ACSF3: variants seen among roughly 807,000 people sequenced by gnomAD.
The protein encoded by ACSF3 is malonate--CoA ligase ACSF3, mitochondrial.
Under a neutral mutation model 53.2 loss-of-function variants are expected in ACSF3, and 78 were observed. That is an observed-to-expected ratio of 1.47 (90% CI 1.22 to 1.77). The LOEUF is 1.77. Ranked by LOEUF, ACSF3 falls within the 40% of genes most tolerant of loss-of-function variation. The pLI, the probability that ACSF3 is intolerant of heterozygous loss-of-function variation, is 0.00. For missense variants in ACSF3, 937 were observed against 771.1 expected, an observed-to-expected ratio of 1.22 and a Z score of -2.55; for synonymous variants, 414 against 333.1, an observed-to-expected ratio of 1.24 and a Z score of -2.65.
chr16:89,095,726 G>C (rs1365443890), intron 1 of ACSF3, among the ~76,000 whole-genome samples: 1 of 152,236 alleles, frequency 6.6e-6, no homozygotes, highest in Non-Finnish European at 1.5e-5. Context: ...AGGCTCCATG[G>C]GGAGCACCCT....
At chr16:89,103,965 C>A (rs895134107) in intron 4 of ACSF3, among the ~76,000 whole-genome samples, 5 of 152,180 alleles carry the variant, frequency 3.3e-5, no homozygotes, top group African/African-American at 9.7e-5. Flanking sequence ...GGGCTCGAGG[C>A]GGGACCCTGT....
Position 89,103,137 on chromosome 16 carries a change from T to C in ACSF3, c.822+378T>C, listed in dbSNP as rs1295560245. Among the ~76,000 whole-genome samples the C allele has an allele frequency of 3.3e-5, 5 of 152,386 alleles. No individual in the cohort carries two copies. The South Asian group carries it at 8.3e-4, about 25-fold the overall frequency. ...CTCTCTTCAAAATACCTTCCGGTACTGTGCTCGTCTGTTGTGAGACTGCAG... is the reference window on the plus strand; with the variant it reads ...CTCTCTTCAAAATACCTTCCGGTACCGTGCTCGTCTGTTGTGAGACTGCAG... On this transcript the variant is annotated intron_variant, in intron 4 of 10. Coordinates refer to ENST00000614302, the MANE Select transcript of ACSF3 (RefSeq NM_001243279.3).
intron 10 of ACSF3, chr16:89,152,985 C>G (rs539084998): frequency 1.3e-5 from 2 of 152,438 alleles, no homozygotes; most frequent in Admixed American, 6.5e-5. Context: ...AGAGACTGGG[C>G]TGGGCCGACT....
At chr16:89,153,175 C>T (rs1381575850) in intron 10 of ACSF3, 2 of 152,724 alleles carry the variant, frequency 1.3e-5, no homozygotes, top group South Asian at 2.1e-4. Flanking sequence ...CATGAAGGTT[C>T]GTTTCTGTCA....
chr16:89,114,582 G>A lies in ACSF3; in HGVS notation c.1126+95G>A, dbSNP rs957381950. ...GAACCACCCACATTCGGACTGAAGG[G>A]CGGCATGGAGGATGCTCCCCCGTGG... On this transcript the variant is annotated intron_variant, in intron 6 of 10. Transcript: ENST00000614302. The A allele has an allele frequency of 1.2e-5, 19 of 1,566,934 alleles. No homozygotes were observed. The Admixed American group carries it at 3.0e-4, about 25-fold the overall frequency.
At chr16:89,114,601 C>T (rs1256316373) in intron 6 of ACSF3, 114 bp downstream of exon 6, 3 of 1,503,954 alleles carry the variant, frequency 2.0e-6, no homozygotes, top group Non-Finnish European at 2.7e-6. Context: ...AGGATGCTCC[C>T]CCGTGGGACA....
At position 89,154,308 on chromosome 16, in the gene ACSF3, G is replaced by A. The variant is rs761470249; in HGVS notation, c.*101G>A. ...CCAAGACCTGGCCTCCCTTAAACCT[G>A]AACCCCCCAAATCAGGTCACGTAGA... On this transcript the variant is annotated 3_prime_UTR_variant, in exon 11 of 11. Coordinates refer to ENST00000614302, the MANE Select transcript of ACSF3 (RefSeq NM_001243279.3). 4 of 1,102,958 alleles carry A rather than the reference G, an allele frequency of 3.6e-6. No individual in the cohort carries two copies. In the Admixed American group the frequency reaches 5.5e-5, roughly 15 times the overall value. The allele number at this position is 1,102,958 out of a possible 1,614,324, so 68.3% of individuals were successfully genotyped here. A position where few individuals can be genotyped will look rare whatever the true frequency, so the allele number is the denominator to read the frequency against.
At chr16:89,133,097 G>A (rs1022155115) in intron 7 of ACSF3, 39 bp from the exon 8 acceptor site, 2 of 1,612,248 alleles carry the variant, frequency 1.2e-6, no homozygotes, top group Non-Finnish European at 1.7e-6. Context: ...CCAAGAGGGT[G>A]TGCCCAGCTC....
intron 1 of ACSF3, among the ~76,000 whole-genome samples, chr16:89,094,370 C>T (rs1974365251): frequency 6.6e-6 from 1 of 152,210 alleles, no homozygotes; most frequent in Non-Finnish European, 1.5e-5. Context: ...TGAAGTACTC[C>T]CCGTTTTAGT....
intron 8 of ACSF3, chr16:89,136,545 G>T (rs1301584842): frequency 7.9e-7 from 1 of 1,271,890 alleles, no homozygotes; most frequent in Non-Finnish European, 1.0e-6. Context: ...CCTTTCCCTG[G>T]CCAGCCCCTC....
intron 8 of ACSF3, 57 bp downstream of exon 8, chr16:89,133,319 T>C: frequency 1.2e-6 from 2 of 1,609,506 alleles, no homozygotes; most frequent in Non-Finnish European, 1.7e-6. Flanking sequence ...CAGGAACTCA[T>C]TGCTGCCCAC....
chr16:89,133,316 T>C (rs1438396555), intron 8 of ACSF3, 54 bp downstream of exon 8: 1 of 1,608,928 alleles, frequency 6.2e-7, no homozygotes, highest in African/African-American at 1.3e-5. Context: ...AGGCAGGAAC[T>C]CATTGCTGCC....
chr16:89,132,735 C>T (rs999114676), intron 7 of ACSF3, among the ~76,000 whole-genome samples: 2 of 152,374 alleles, frequency 1.3e-5, no homozygotes, highest in Non-Finnish European at 2.9e-5. Flanking sequence ...TGAGAAACGC[C>T]CCCGAAGATG....
rs1221267631 is a variant in ACSF3, at chr16:89,136,570, C to T, written c.1366+3308C>T. ...GCCAGCCCCTCCTGCCACACGGATT[C>T]TGGCATAAGCCGGCGGGCACAGGGG... On this transcript the variant is annotated intron_variant, in intron 8 of 10. Transcript: ENST00000614302. The T allele has an allele frequency of 4.7e-6, 6 of 1,276,370 alleles. No homozygotes were observed. In the Admixed American group the frequency reaches 1.4e-4, roughly 29 times the overall value. 79.1% of individuals were successfully genotyped at this position (1,276,370 alleles called of 1,614,324 possible). A position where few individuals can be genotyped will look rare whatever the true frequency, so the allele number is the denominator to read the frequency against.
At chr16:89,102,254 A>C in intron 3 of ACSF3, 1 of 382,814 alleles carries the variant, frequency 2.6e-6, no homozygotes. Context: ...CTGGGAGTCG[A>C]TTCCAGCCTG....
chr16:89,129,021 A>C (rs903513092), intron 7 of ACSF3, among the ~76,000 whole-genome samples: 5 of 152,140 alleles, frequency 3.3e-5, no homozygotes, highest in African/African-American at 1.2e-4. Flanking sequence ...GGTCCCAGCT[A>C]CACAGGAGGC....
intron 2 of ACSF3, among the ~76,000 whole-genome samples, chr16:89,099,176 G>A (rs1252308687): frequency 6.6e-6 from 1 of 152,232 alleles, no homozygotes; most frequent in African/African-American, 2.4e-5. Flanking sequence ...TGTGCCCCTG[G>A]CCTGTGTCCG....
At chr16:89,137,903 A>T (rs1172809425) in intron 8 of ACSF3, among the ~76,000 whole-genome samples, 1 of 152,154 alleles carries the variant, frequency 6.6e-6, no homozygotes, top group Admixed American at 6.5e-5. Flanking sequence ...TTGGGGTAGG[A>T]GCAAGAGTCC....
chr16:89,154,252 C>T lies in ACSF3; in HGVS notation c.*45C>T. 6.3e-7 allele frequency: 1 copy of T among 1,579,106 alleles called. No individual in the cohort carries two copies. Among genetic ancestry groups the T allele is most frequent in the Non-Finnish European group, 8.7e-7 (1 of 1,154,580 alleles). ...GGGTCTGGTGGGGAGCAGCAGACGT[C>T]CCCTTCACACCGAGAACCACGGGGG... On this transcript the variant is annotated 3_prime_UTR_variant, in exon 11 of 11. Coordinates refer to ENST00000614302, the MANE Select transcript of ACSF3 (RefSeq NM_001243279.3).
Sources: allele counts gnomAD v4.1 joint callset (sites outside exome capture counted in the v4.1 genomes callset), GRCh38; gene constraint gnomAD v4.1.1; transcripts MANE v1.5; gene names NCBI Gene and HGNC (gene_info 2026-07-23, HGNC 2026-07-21).